The following NFASC variants were observed in gnomAD, a reference collection of about 807,000 sequenced individuals.
NFASC encodes neurofascin homolog.
NFASC carries 43 observed loss-of-function variants against 147.5 expected under a neutral mutation model. That is an observed-to-expected ratio of 0.29 (90% CI 0.23 to 0.38). NFASC has a LOEUF of 0.38. Ranked by LOEUF, NFASC falls within the 10% of genes least tolerant of loss-of-function variation. The probability of loss-of-function intolerance (pLI) is 1.00; values close to 1 mark genes in which losing one functional copy is unlikely to be tolerated. For synonymous variants in NFASC, 622 were observed against 665.5 expected (o/e 0.93, Z 1.01); for missense variants, 1,320 against 1,689.0 (o/e 0.78, Z 3.83).
At chr1:204,910,530 C>T (rs988727329) in intron 1 of NFASC, among the ~76,000 whole-genome samples, 1 of 152,062 alleles carries the variant, frequency 6.6e-6, no homozygotes, top group African/African-American at 2.4e-5. Flanking sequence ...TAGCTCACTG[C>T]AGCCTTGAAC....
chr1:204,923,212 G>T (rs2149469266), intron 2 of NFASC, among the ~76,000 whole-genome samples: 1 of 152,262 alleles, frequency 6.6e-6, no homozygotes, highest in East Asian at 1.9e-4. Flanking sequence ...GGGGCTGCAG[G>T]TGTGAGCTCT....
At chr1:204,873,295 G>T (rs1370727557) in intron 1 of NFASC, among the ~76,000 whole-genome samples, 1 of 152,184 alleles carries the variant, frequency 6.6e-6, no homozygotes, top group Non-Finnish European at 1.5e-5. Context: ...GCCAGCAGTG[G>T]TCTGCCATGA....
intron 8 of NFASC, among the ~76,000 whole-genome samples, chr1:204,960,819 A>G (rs1369780060): frequency 6.6e-6 from 1 of 152,172 alleles, no homozygotes; most frequent in Non-Finnish European, 1.5e-5. Flanking sequence ...AGACTTCCCA[A>G]ACAGGCTGGG....
chr1:204,852,069 C>T (rs188832244), intron 1 of NFASC, among the ~76,000 whole-genome samples: 238 of 152,312 alleles, frequency 1.6e-3, no homozygotes, highest in Non-Finnish European at 2.9e-3. Context: ...TAAGAGTCTA[C>T]ATAGCAGAAC....
chr1:204,939,418 T>G (rs1230504685), intron 2 of NFASC, among the ~76,000 whole-genome samples: 1 of 152,224 alleles, frequency 6.6e-6, no homozygotes, highest in Non-Finnish European at 1.5e-5. Context: ...AACATCCTCC[T>G]ATTTGGTCCT....
At chr1:204,893,775 C>G (rs1268959888) in intron 1 of NFASC, among the ~76,000 whole-genome samples, 1 of 152,236 alleles carries the variant, frequency 6.6e-6, no homozygotes, top group African/African-American at 2.4e-5. Context: ...TGTCAAGCTT[C>G]TCCCCCTTTG....
At position 204,954,090 on chromosome 1, in the gene NFASC, A is replaced by C; in HGVS notation, c.216-98A>C. Reference sequence around the variant, plus strand: ...TGCCACGATGGGACTGAGAGAGGGAATTTTGGTACTGAGCCAGGGACTAGG... The same window carrying C: ...TGCCACGATGGGACTGAGAGAGGGACTTTTGGTACTGAGCCAGGGACTAGG... On this transcript the variant is annotated intron_variant, in intron 5 of 29. Coordinates refer to ENST00000339876, the MANE Select transcript of NFASC (RefSeq NM_001005388.3). The surrounding 1 kb of genome is among the most constrained non-coding windows in gnomAD (Gnocchi z 5.7). The C allele has an allele frequency of 3.7e-6, 4 of 1,073,960 alleles. No homozygotes were observed. The highest frequency in any genetic ancestry group is 2.5e-5 in the East Asian group (1 of 39,940). 66.5% of individuals were successfully genotyped at this position (1,073,960 alleles called of 1,614,324 possible).
chr1:205,013,475 C>T (rs1411379868), intron 29 of NFASC, among the ~76,000 whole-genome samples: 2 of 152,158 alleles, frequency 1.3e-5, no homozygotes, highest in Non-Finnish European at 1.5e-5. Context: ...GACCAGGAAG[C>T]GAATTGTCTA....
At chr1:204,922,660 G>A (rs183535188) in intron 2 of NFASC, among the ~76,000 whole-genome samples, 1 of 152,144 alleles carries the variant, frequency 6.6e-6, no homozygotes, top group East Asian at 1.9e-4. Context: ...CTGAATTGTA[G>A]ACTGTTTTTC....
intron 1 of NFASC, among the ~76,000 whole-genome samples, chr1:204,841,041 A>G (rs1231183532): frequency 6.6e-6 from 1 of 152,250 alleles, no homozygotes; most frequent in Non-Finnish European, 1.5e-5. Context: ...GGGCTAAGCT[A>G]TAATGTTAAC....
At chr1:204,935,831 G>A (rs998936240) in intron 2 of NFASC, among the ~76,000 whole-genome samples, 5 of 152,134 alleles carry the variant, frequency 3.3e-5, no homozygotes, top group Non-Finnish European at 7.4e-5. Flanking sequence ...CGTTGCCCCC[G>A]TGCATCATGG....
chr1:204,945,408 C>T (rs1333794962), intron 3 of NFASC, among the ~76,000 whole-genome samples: 1 of 152,198 alleles, frequency 6.6e-6, no homozygotes, highest in Non-Finnish European at 1.5e-5. Flanking sequence ...TCTAAAAAGT[C>T]GTCCCTGAGC....
At chr1:204,993,836 C>G in intron 24 of NFASC, 1 of 510,612 alleles carries the variant, frequency 2.0e-6, no homozygotes, top group Non-Finnish European at 3.9e-6. Context: ...CTCTTCTATC[C>G]TCTCCTCCAC....
intron 1 of NFASC, among the ~76,000 whole-genome samples, chr1:204,830,926 A>G (rs1475040089): frequency 6.6e-6 from 1 of 152,206 alleles, no homozygotes; most frequent in African/African-American, 2.4e-5. Context: ...GGCCTCAGGC[A>G]GTGCCTGGCA....
Position 204,988,815 on chromosome 1 carries a change from A to G in NFASC, c.2767+9A>G. On this transcript the variant is annotated intron_variant, in intron 23 of 29. Coordinates refer to ENST00000339876, the MANE Select transcript of NFASC (RefSeq NM_001005388.3). The stretch of plus-strand genomic sequence containing the variant: ...AGCACCCCCGAATGAAGGTAGGTGC[A>G]TGGCAGCAGCCCCTGGGGTAAAAGG... 4 of 1,613,490 alleles carry G rather than the reference A, an allele frequency of 2.5e-6. No individual in the cohort carries two copies. The highest frequency in any genetic ancestry group is 1.3e-5 in the African/African-American group (1 of 75,034).
At chr1:205,004,996 G>T (rs1398112654) in intron 27 of NFASC, among the ~76,000 whole-genome samples, 1 of 152,224 alleles carries the variant, frequency 6.6e-6, no homozygotes, top group Non-Finnish European at 1.5e-5. Flanking sequence ...GGCGGGATGG[G>T]GTAAGGCAGG....
chr1:204,980,622 C>T (rs1217113731), intron 20 of NFASC, among the ~76,000 whole-genome samples, 182 bp downstream of exon 20: 2 of 152,174 alleles, frequency 1.3e-5, no homozygotes, highest in Non-Finnish European at 2.9e-5. Context: ...AGAAACCAAA[C>T]AGGACAAATG....
intron 1 of NFASC, among the ~76,000 whole-genome samples, chr1:204,850,582 TAGTG>T (rs1420853669): frequency 1.2e-4 from 19 of 152,242 alleles, no homozygotes; most frequent in Non-Finnish European, 2.5e-4. Flanking sequence ...ATTCTTGTGA[TAGTG>T]AGTGAGTTCT....
chr1:204,842,488 CTT>C (rs35411796), intron 1 of NFASC, among the ~76,000 whole-genome samples: 29,814 of 152,048 alleles, frequency 0.2, 4,241 homozygotes, highest in East Asian at 0.52. Context: ...TCTGAAAACT[CTT>C]TGTCCCATTT....
Sources: gnomAD v4.1 joint callset for allele counts (sites outside exome capture counted in the v4.1 genomes callset) on GRCh38, gnomAD v4.1.1 for gene constraint, Gnocchi (gnomAD v3.1) non-coding constraint, MANE v1.5 for transcripts, NCBI Gene and HGNC (gene_info 2026-07-23, HGNC 2026-07-21) for gene names.